Variants in SEC31A observed in about 807,000 individuals in gnomAD.
The protein encoded by SEC31A is SEC31 homolog A, COPII component.
Under a neutral mutation model 151.0 loss-of-function variants are expected in SEC31A, and 70 were observed. The ratio of observed to expected loss-of-function variants is 0.46; its 90% CI spans 0.38 to 0.57. SEC31A has a LOEUF of 0.57. Ranked by LOEUF, SEC31A falls within the 20% of genes least tolerant of loss-of-function variation. The probability of loss-of-function intolerance (pLI) is 0.00; values close to 1 mark genes in which losing one functional copy is unlikely to be tolerated. For missense variants in SEC31A, 1,330 were observed against 1,471.2 expected, an observed-to-expected ratio of 0.90 and a Z score of 1.57; for synonymous variants, 475 against 505.9, an observed-to-expected ratio of 0.94 and a Z score of 0.82.
At chr4:82,899,544 C>T (rs755786231) in intron 3 of SEC31A, 1 of 152,394 alleles carries the variant, frequency 6.6e-6, no homozygotes, top group African/African-American at 2.4e-5. Context: ...ACCTTACAGC[C>T]AAAAAGTATT....
intron 10 of SEC31A, 147 bp from the exon 11 acceptor site, chr4:82,864,745 G>T: frequency 1.0e-5 from 6 of 577,880 alleles, no homozygotes; most frequent in Non-Finnish European, 1.8e-5. Context: ...TTCAATTTCT[G>T]TTCTAGATGA....
chr4:82,833,403 G>C (rs575204685), intron 22 of SEC31A, among the ~76,000 whole-genome samples: 24 of 151,942 alleles, frequency 1.6e-4, no homozygotes, highest in African/African-American at 4.1e-4. Context: ...TGGGGCCTGT[G>C]GGGGGCTAGG....
intron 22 of SEC31A, among the ~76,000 whole-genome samples, chr4:82,836,387 A>AG (rs984560722): frequency 5.9e-5 from 9 of 151,538 alleles, no homozygotes; most frequent in African/African-American, 1.7e-4. Context: ...AAAAAAAAAA[A>AG]AAAAAGAAAA....
chr4:82,898,320 G>C (rs1720150257), intron 3 of SEC31A, among the ~76,000 whole-genome samples: 1 of 151,984 alleles, frequency 6.6e-6, no homozygotes, highest in South Asian at 2.1e-4. Flanking sequence ...GTATAGATAA[G>C]TTATAAACAA....
intron 3 of SEC31A, among the ~76,000 whole-genome samples, chr4:82,897,105 A>G (rs769575689): frequency 6.6e-6 from 1 of 152,176 alleles, no homozygotes; most frequent in South Asian, 2.1e-4. Flanking sequence ...CTATTAGAAG[A>G]AAAAACACTC....
intron 1 of SEC31A, chr4:82,890,864 T>G: frequency 7.2e-7 from 1 of 1,384,160 alleles, no homozygotes; most frequent in Non-Finnish European, 9.3e-7. Context: ...TGCTCAGCAG[T>G]GGAGACGTCG....
At chr4:82,886,251 T>C (rs1196416506) in intron 1 of SEC31A, among the ~76,000 whole-genome samples, 2 of 152,258 alleles carry the variant, frequency 1.3e-5, no homozygotes, top group African/African-American at 2.4e-5. Context: ...AGGCAGGATG[T>C]ATCACATGGT....
chr4:82,821,341 GTTTGAGACCAGC>G, intron 25 of SEC31A: 1 of 411,500 alleles, frequency 2.4e-6, no homozygotes, highest in Non-Finnish European at 4.4e-6. Context: ...GAGGTCAGGA[GTTTGAGACCAGC>G]CTGGTCAACA....
chr4:82,824,017 A>T (rs1179269833), intron 25 of SEC31A, among the ~76,000 whole-genome samples: 2 of 152,222 alleles, frequency 1.3e-5, no homozygotes, highest in Admixed American at 6.5e-5. Context: ...AAAATGACAA[A>T]TCTATCTGCC....
intron 3 of SEC31A, 198 bp downstream of exon 3, chr4:82,880,601 G>T: frequency 5.6e-6 from 2 of 359,338 alleles, no homozygotes; most frequent in Non-Finnish European, 4.8e-6. Context: ...AAAAAAAAAA[G>T]AAAAAAAAAA....
upstream of SEC31A, among the ~76,000 whole-genome samples, chr4:82,896,131 TCAA>T (rs1720051152): frequency 6.6e-6 from 1 of 152,242 alleles, no homozygotes; most frequent in African/African-American, 2.4e-5. Flanking sequence ...GGGTAGGTGT[TCAA>T]CAAGTGAAAT....
At chr4:82,827,882 A>G (rs1724967521) in intron 23 of SEC31A, among the ~76,000 whole-genome samples, 1 of 151,918 alleles carries the variant, frequency 6.6e-6, no homozygotes, top group Admixed American at 6.6e-5. Flanking sequence ...TTACCCTCCC[A>G]TACTTATCCC....
intron 3 of SEC31A, among the ~76,000 whole-genome samples, 156 bp from the exon 4 acceptor site, chr4:82,879,084 T>C (rs1738664777): frequency 6.6e-6 from 1 of 152,234 alleles, no homozygotes; most frequent in South Asian, 2.1e-4. Context: ...TTTGGTGTAA[T>C]AGTATTTCAT....
intron 22 of SEC31A, chr4:82,829,260 G>A (rs964633791): frequency 2.1e-6 from 1 of 484,974 alleles, no homozygotes; most frequent in Non-Finnish European, 3.7e-6. Flanking sequence ...GTCTTCACTT[G>A]GTAGGTAAGA....
chr4:82,900,322 C>CCT (rs1720262556), intron 1 of SEC31A: 2 of 172,062 alleles, frequency 1.2e-5, no homozygotes, highest in African/African-American at 4.8e-5. Flanking sequence ...GTGTTTTATC[C>CCT]CTCTTCCATA....
At chr4:82,851,654 G>T in intron 18 of SEC31A, 50 bp from the exon 19 acceptor site, 1 of 1,462,894 alleles carries the variant, frequency 6.8e-7, no homozygotes, top group Non-Finnish European at 9.4e-7. Context: ...CCATGTATGA[G>T]AGGAAGCAGG....
At chr4:82,838,709 A>G (rs913660859) in intron 22 of SEC31A, among the ~76,000 whole-genome samples, 1 of 152,242 alleles carries the variant, frequency 6.6e-6, no homozygotes, top group Admixed American at 6.5e-5. Context: ...TCTTCACTAG[A>G]AATGTATGGT....
In SEC31A at chr4:82,842,355, G is replaced by C. The variant is rs767890336; in HGVS notation, c.2753C>G (p.Ser918Cys). Residue 918 changes from serine to cysteine, a missense_variant, in exon 22 of 27, where the codon TCC becomes TGC. By Grantham distance (112) the Ser-to-Cys change is moderately radical. Transcript: ENST00000395310. ...GTACAGCTGAGACTGCCCAGTATAG[G>C]AAGAAGCAGAAGATATGTAAGGGGT... ...PNTPYISSASSYTGQSQLYAA... is the reference protein window; with the variant it reads ...PNTPYISSASCYTGQSQLYAA... 11 of 1,613,702 alleles carry C rather than the reference G, an allele frequency of 6.8e-6. No individual in the cohort carries two copies. The Middle Eastern group carries it at 6.6e-4, about 96-fold the overall frequency.
intron 22 of SEC31A, among the ~76,000 whole-genome samples, chr4:82,837,544 T>C (rs1215724390): frequency 6.6e-6 from 1 of 152,066 alleles, no homozygotes; most frequent in Non-Finnish European, 1.5e-5. Flanking sequence ...CTTCCACACC[T>C]GGCTAGTTTT....
Sources: gnomAD v4.1 joint callset for allele counts (sites outside exome capture counted in the v4.1 genomes callset) on GRCh38, gnomAD v4.1.1 for gene constraint, MANE v1.5 for transcripts, NCBI Gene and HGNC (gene_info 2026-07-23, HGNC 2026-07-21) for gene names.